TAPT1: variants seen among roughly 807,000 people sequenced by gnomAD.
TAPT1 encodes the protein transmembrane anterior posterior transformation protein 1 homolog.
A neutral mutation model predicts 65.6 loss-of-function variants in TAPT1; 28 were observed. The observed-to-expected ratio is 0.43, with a 90% CI of 0.32 to 0.59. The LOEUF is 0.59. Among genes scored for constraint, TAPT1 ranks in the 20% least tolerant of loss-of-function variants. The pLI is 0.09. For synonymous variants in TAPT1, 278 were observed against 245.2 expected, an observed-to-expected ratio of 1.13 and a Z score of -1.25; for missense variants, 563 against 679.9, an observed-to-expected ratio of 0.83 and a Z score of 1.91.
intron 2 of TAPT1, among the ~76,000 whole-genome samples, chr4:16,207,903 A>G (rs1052819644): frequency 1.3e-5 from 2 of 152,260 alleles, no homozygotes; most frequent in Non-Finnish European, 2.9e-5. Context: ...GCTATAATGT[A>G]CAAGGCATGG....
rs1222519772 is a variant in TAPT1 at position 16,160,912 on chromosome 4, T to C, written c.*2396A>G. On this transcript the variant is annotated 3_prime_UTR_variant, in exon 14 of 14. Transcript: ENST00000405303. Reference sequence around the variant, plus strand: ...AAGAAAATCTGGACAAGCGTATCAGTGACACTTGGTCTTTACACTTATTCT... The same window carrying C: ...AAGAAAATCTGGACAAGCGTATCAGCGACACTTGGTCTTTACACTTATTCT... 1 of 152,646 alleles carries C rather than the reference T, an allele frequency of 6.6e-6. No individual in the cohort carries two copies. Among genetic ancestry groups the C allele is most frequent in the Non-Finnish European group, 1.5e-5 (1 of 68,032 alleles). The allele number at this position is 152,646 out of a possible 1,614,324, so 9.5% of individuals were successfully genotyped here.
chr4:16,200,580 C>T (rs781532077), intron 3 of TAPT1, among the ~76,000 whole-genome samples: 5 of 152,206 alleles, frequency 3.3e-5, no homozygotes, highest in Non-Finnish European at 4.4e-5. Flanking sequence ...CCTACCTTGG[C>T]CTCCCAAAGT....
At chr4:16,213,696 C>G in intron 2 of TAPT1, 72 bp downstream of exon 2, 1 of 1,339,638 alleles carries the variant, frequency 7.5e-7, no homozygotes, top group Non-Finnish European at 9.9e-7. Context: ...TAGCTGTTGA[C>G]CATTTTTTTG....
At position 16,163,544 on chromosome 4, in the gene TAPT1, TA is replaced by T. The variant is rs763293072; in HGVS notation, c.1475-8del. 1 of 1,594,472 alleles carries T rather than the reference TA, an allele frequency of 6.3e-7. No homozygotes were observed. Among genetic ancestry groups the T allele is most frequent in the East Asian group, 2.2e-5 (1 of 44,774 alleles). ...TTTTCTTCTGTGGAAAGGCCTGTGATAAAATAGATCCATTAAATTAGAGAAA... is the reference window on the plus strand; with the variant it reads ...TTTTCTTCTGTGGAAAGGCCTGTGATAAATAGATCCATTAAATTAGAGAAA... On this transcript the variant is annotated splice_region_variant and splice_polypyrimidine_tract_variant and intron_variant, in intron 13 of 13. Coordinates refer to ENST00000405303, the MANE Select transcript of TAPT1 (RefSeq NM_153365.3).
chr4:16,165,769 T>C (rs999022951), intron 13 of TAPT1, among the ~76,000 whole-genome samples: 6 of 152,196 alleles, frequency 3.9e-5, no homozygotes, highest in African/African-American at 1.2e-4. Context: ...CAGCAAATAC[T>C]TCACGCAAAC....
chr4:16,188,368 A>AAT lies in TAPT1; in HGVS notation c.613-14_613-13insAT. ...GACGATCAGCTACCTAAAAAAAAAAATTATTTGTAAGATGTTTCTTAATAT... is the reference window on the plus strand; with the variant it reads ...GACGATCAGCTACCTAAAAAAAAAAAATTTATTTGTAAGATGTTTCTTAATAT... On this transcript the variant is annotated splice_polypyrimidine_tract_variant and intron_variant, in intron 4 of 13. Transcript: ENST00000405303. 1 of 1,532,710 alleles carries AAT rather than the reference A, an allele frequency of 6.5e-7. No individual in the cohort carries two copies. Among genetic ancestry groups the AAT allele is most frequent in the Non-Finnish European group, 8.8e-7 (1 of 1,141,896 alleles). 94.9% of individuals were successfully genotyped at this position (1,532,710 alleles called of 1,614,324 possible). A position where few individuals can be genotyped will look rare whatever the true frequency, so the allele number is the denominator to read the frequency against.
At chr4:16,209,027 C>T (rs1021214756) in intron 2 of TAPT1, among the ~76,000 whole-genome samples, 4 of 152,090 alleles carry the variant, frequency 2.6e-5, no homozygotes, top group East Asian at 3.9e-4. Flanking sequence ...CCACTCCTGG[C>T]TAATTTTTGT....
Position 16,202,731 on chromosome 4 carries a change from C to G in TAPT1, c.331-151G>C, listed in dbSNP as rs1578462232. On this transcript the variant is annotated intron_variant, in intron 2 of 13. Coordinates refer to ENST00000405303, the MANE Select transcript of TAPT1 (RefSeq NM_153365.3). ...ATAACAAATTAACAGTTCTTCTCTT[C>G]AAAGAGTGAGTCTGTGCTTCCTCAG... The G allele has an allele frequency of 5.9e-6, 3 of 512,404 alleles. No homozygotes were observed. The East Asian group carries it at 1.1e-4, about 18-fold the overall frequency. 31.7% of individuals were successfully genotyped at this position (512,404 alleles called of 1,614,324 possible).
chr4:16,225,768 T>C lies in TAPT1; in HGVS notation c.199+491A>G, dbSNP rs996544650. 3 of 487,620 alleles carry C rather than the reference T, an allele frequency of 6.2e-6. No individual in the cohort carries two copies. The African/African-American group carries it at 6.3e-5, about 10-fold the overall frequency. 30.2% of individuals were successfully genotyped at this position (487,620 alleles called of 1,614,324 possible). A position where few individuals can be genotyped will look rare whatever the true frequency, so the allele number is the denominator to read the frequency against. ...TACTGGGCAAAACTACTGAACTTCA[T>C]GGTCACTACCACACCGTCAGCTGTC... On this transcript the variant is annotated intron_variant, in intron 1 of 13. Coordinates refer to ENST00000405303, the MANE Select transcript of TAPT1 (RefSeq NM_153365.3).
intron 7 of TAPT1, among the ~76,000 whole-genome samples, chr4:16,184,017 T>C (rs1167947907): frequency 6.6e-6 from 1 of 152,242 alleles, no homozygotes; most frequent in Non-Finnish European, 1.5e-5. Flanking sequence ...TATGCCATTA[T>C]TTTCCTTGTC....
At chr4:16,191,942 A>G (rs1223517684) in intron 3 of TAPT1, among the ~76,000 whole-genome samples, 1 of 152,174 alleles carries the variant, frequency 6.6e-6, no homozygotes, top group Non-Finnish European at 1.5e-5. Flanking sequence ...ACTTTATTTA[A>G]CGGCATGATA....
At chr4:16,168,968 G>C (rs1202363237) in intron 12 of TAPT1, among the ~76,000 whole-genome samples, 1 of 152,196 alleles carries the variant, frequency 6.6e-6, no homozygotes, top group Non-Finnish European at 1.5e-5. Context: ...AGCATTGTAT[G>C]TCAAAAAGCC....
At chr4:16,202,633 T>C (rs897633583) in intron 2 of TAPT1, 53 bp from the exon 3 acceptor site, 20 of 990,440 alleles carry the variant, frequency 2.0e-5, no homozygotes, top group East Asian at 2.7e-5. Flanking sequence ...AAAATACTTG[T>C]AGATGAAAAT....
chr4:16,164,312 C>G (rs561384286), intron 13 of TAPT1, among the ~76,000 whole-genome samples: 1 of 152,228 alleles, frequency 6.6e-6, no homozygotes, highest in Non-Finnish European at 1.5e-5. Context: ...ACCCCCAGAA[C>G]CGCTGTCTTT....
chr4:16,217,090 C>T (rs894787866), intron 1 of TAPT1, among the ~76,000 whole-genome samples: 2 of 152,150 alleles, frequency 1.3e-5, no homozygotes, highest in Non-Finnish European at 2.9e-5. Context: ...ACCAATTTTC[C>T]AGGAGTGAAC....
chr4:16,203,774 C>T (rs1750179393), intron 2 of TAPT1, among the ~76,000 whole-genome samples: 1 of 152,180 alleles, frequency 6.6e-6, no homozygotes, highest in South Asian at 2.1e-4. Flanking sequence ...GTCTATGGTA[C>T]TTTGTTATGG....
intron 1 of TAPT1, among the ~76,000 whole-genome samples, chr4:16,221,544 C>T (rs923015634): frequency 6.6e-6 from 1 of 152,224 alleles, no homozygotes; most frequent in South Asian, 2.1e-4. Flanking sequence ...AAAGAAAAAA[C>T]ACAATGTTTA....
chr4:16,205,308 T>C (rs900983643), intron 2 of TAPT1, among the ~76,000 whole-genome samples: 6 of 152,206 alleles, frequency 3.9e-5, no homozygotes, highest in African/African-American at 1.4e-4. Flanking sequence ...TACCATCTCC[T>C]CCACCACAAC....
intron 11 of TAPT1, among the ~76,000 whole-genome samples, chr4:16,173,374 A>AT (rs1748124984): frequency 6.6e-6 from 1 of 152,132 alleles, no homozygotes; most frequent in African/African-American, 2.4e-5. Context: ...TTGAGGGTTG[A>AT]TTTAGTAAGT....
Sources: allele counts gnomAD v4.1 joint callset (sites outside exome capture counted in the v4.1 genomes callset), GRCh38; gene constraint gnomAD v4.1.1; transcripts MANE v1.5; gene names NCBI Gene and HGNC (gene_info 2026-07-23, HGNC 2026-07-21).